PER2: variants seen among roughly 807,000 people sequenced by gnomAD.
The protein encoded by PER2 is period circadian regulator 2, also known as period circadian protein homolog 2.
PER2 carries 66 observed loss-of-function variants against 121.0 expected under a neutral mutation model. The observed-to-expected ratio is 0.55, with a 90% CI of 0.45 to 0.67. The LOEUF (loss-of-function observed/expected upper bound fraction) is 0.67. PER2 is among the 30% of genes least tolerant of loss of function. PER2 has a pLI of 0.00. For synonymous variants in PER2, 684 were observed against 659.9 expected (o/e 1.04, Z -0.56); for missense variants, 1,521 against 1,635.0 (o/e 0.93, Z 1.20).
At chr2:238,295,957 G>T in the PER2 span, 1 of 252,612 alleles carries the variant, frequency 4.0e-6, no homozygotes, top group South Asian at 3.5e-5. Flanking sequence ...GGTGACACGT[G>T]CTGCTGAATG....
chr2:238,294,348 G>A (rs898574164), upstream of PER2, among the ~76,000 whole-genome samples: 1 of 152,226 alleles, frequency 6.6e-6, no homozygotes, highest in Non-Finnish European at 1.5e-5. Context: ...ACATCTTGGA[G>A]TCAGGAACGG....
chr2:238,271,697 C>A (rs1458102158), intron 5 of PER2, among the ~76,000 whole-genome samples, 184 bp from the exon 6 acceptor site: 1 of 152,130 alleles, frequency 6.6e-6, no homozygotes, highest in East Asian at 1.9e-4. Flanking sequence ...AGGAGCATCG[C>A]CATCTTGGAC....
intron 1 of PER2, among the ~76,000 whole-genome samples, chr2:238,285,504 C>T (rs978730284): frequency 3.9e-5 from 6 of 152,212 alleles, no homozygotes; most frequent in African/African-American, 1.4e-4. Context: ...TTCCAGCCTC[C>T]ACTGCCACTG....
chr2:238,255,478 ACCCCC>A, intron 18 of PER2, 174 bp downstream of exon 18: 1 of 698,566 alleles, frequency 1.4e-6, no homozygotes, highest in South Asian at 1.6e-5. Context: ...TCCCGAGAGC[ACCCCC>A]CCGGTGGGAA....
intron 9 of PER2, among the ~76,000 whole-genome samples, chr2:238,263,637 G>A (rs1267343658): frequency 6.6e-6 from 1 of 152,100 alleles, no homozygotes; most frequent in Admixed American, 6.6e-5. Context: ...AGCACCTTCT[G>A]CTTCTGTTTG....
chr2:238,248,885 G>A (rs1695519414), intron 22 of PER2, 177 bp downstream of exon 22: 2 of 714,306 alleles, frequency 2.8e-6, no homozygotes, highest in African/African-American at 1.7e-5. Flanking sequence ...TCGATCTCCT[G>A]ACCTCGTGAT....
intron 4 of PER2, among the ~76,000 whole-genome samples, chr2:238,273,844 T>G (rs1445653000): frequency 2.0e-5 from 3 of 152,168 alleles, no homozygotes; most frequent in Non-Finnish European, 2.9e-5. Context: ...ATTTTTGTAT[T>G]TTTAGTAGAG....
At chr2:238,291,693 G>C (rs543110723), upstream of PER2, among the ~76,000 whole-genome samples, 12 of 152,326 alleles carry the variant, frequency 7.9e-5, no homozygotes, top group South Asian at 2.5e-3. Context: ...AGCCTCCCTT[G>C]AACCCAGCGC....
In PER2 at chr2:238,279,038, G is replaced by A. The variant is rs190386281; in HGVS notation, c.-19-1083C>T. Among the ~76,000 whole-genome samples the A allele has an allele frequency of 2.7e-3, 414 of 152,260 alleles. 2 individuals are homozygous for A. Among genetic ancestry groups the A allele is most frequent in the African/African-American group, 9.1e-3 (378 of 41,538 alleles). ...GCGATCATCCTGGACACAAACTGAGGGGGGGTGAACAGAGACAGGGAGTAG... is the reference window on the plus strand; with the variant it reads ...GCGATCATCCTGGACACAAACTGAGAGGGGGTGAACAGAGACAGGGAGTAG... On this transcript the variant is annotated intron_variant, in intron 1 of 22. Transcript: ENST00000254657.
chr2:238,266,093 TG>T (rs1696092665), intron 8 of PER2, among the ~76,000 whole-genome samples: 2 of 151,522 alleles, frequency 1.3e-5, no homozygotes, highest in African/African-American at 2.4e-5. Context: ...TTAGTTGAGG[TG>T]GGGTTTCACC....
At chr2:238,255,620 T>A in intron 18 of PER2, 37 bp downstream of exon 18, 1 of 1,611,500 alleles carries the variant, frequency 6.2e-7, no homozygotes, top group Non-Finnish European at 8.5e-7. Context: ...AGGAATAAAG[T>A]TTTTTAAAAC....
At position 238,253,335 on chromosome 2, in the gene PER2, G is replaced by A. The variant is rs780587495; in HGVS notation, c.2688C>T (p.Phe896=). The A allele has an allele frequency of 6.2e-7, 1 of 1,613,824 alleles. No individual in the cohort carries two copies. The highest frequency in any genetic ancestry group is 2.2e-5 in the East Asian group (1 of 44,876). ...QHQFAVQPPP[F]PAPLAPVMAF... is the part of the protein sequence containing the mutation. Reference sequence around the variant, plus strand: ...CCATGACAGGCGCCAAAGGGGCAGGGAAAGGTGGGGGCTGGACTGCAAACT... The same window carrying A: ...CCATGACAGGCGCCAAAGGGGCAGGAAAAGGTGGGGGCTGGACTGCAAACT... The change falls in exon 19 of 23, where the codon TTC becomes TTT. Residue 896 remains phenylalanine, a synonymous_variant. Coordinates refer to ENST00000254657, the MANE Select transcript of PER2 (RefSeq NM_022817.3). The surrounding 1 kb of genome is among the most constrained non-coding windows in gnomAD (Gnocchi z 5.6).
chr2:238,251,676 C>CA lies in PER2; in HGVS notation c.3196dup (p.Cys1066LeufsTer29). 6.2e-7 allele frequency: 1 copy of CA among 1,614,030 alleles called. No homozygotes were observed. The highest frequency in any genetic ancestry group is 8.5e-7 in the Non-Finnish European group (1 of 1,179,864). On this transcript the variant is annotated frameshift_variant, in exon 20 of 23. Transcript: ENST00000254657. LOFTEE classifies it high-confidence loss of function. ...CGAAGCAGCAGAGCCCGAGGCTGAGCAGAGGTCCTCATTCAGCAGGAGGTT... is the reference window on the plus strand; with the variant it reads ...CGAAGCAGCAGAGCCCGAGGCTGAGCAAGAGGTCCTCATTCAGCAGGAGGTT...
upstream of PER2, among the ~76,000 whole-genome samples, chr2:238,293,679 G>A (rs1249189848): frequency 6.7e-6 from 1 of 149,596 alleles, no homozygotes; most frequent in Admixed American, 6.7e-5. Context: ...AGGCTGCAGT[G>A]AGCCAAGATC....
intron 22 of PER2, 76 bp from the exon 23 acceptor site, chr2:238,246,600 G>A (rs1695458612): frequency 5.7e-6 from 6 of 1,058,592 alleles, no homozygotes; most frequent in Non-Finnish European, 8.6e-6. Flanking sequence ...AAATTGGCCG[G>A]GCGCGGTGGC....
chr2:238,287,677 C>G (rs1246039166), intron 1 of PER2, among the ~76,000 whole-genome samples: 1 of 152,240 alleles, frequency 6.6e-6, no homozygotes, highest in South Asian at 2.1e-4. Flanking sequence ...GTTTGCTCAT[C>G]TGTCAGGCTG....
chr2:238,285,900 C>T (rs1002260699), intron 1 of PER2, among the ~76,000 whole-genome samples: 1 of 145,320 alleles, frequency 6.9e-6, no homozygotes, highest in African/African-American at 2.5e-5. Flanking sequence ...TGGTAGGAGC[C>T]AACTCCCTGA....
At position 238,269,029 on chromosome 2, in the gene PER2, C is replaced by T. The variant is rs769323685; in HGVS notation, c.773-55G>A. Reference sequence around the variant, plus strand: ...CAAACCAACAACTAAATACAGTGTTCCTCATTTCTCACAAACAAAAGAGGA... The same window carrying T: ...CAAACCAACAACTAAATACAGTGTTTCTCATTTCTCACAAACAAAAGAGGA... On this transcript the variant is annotated intron_variant, in intron 6 of 22. Coordinates refer to ENST00000254657, the MANE Select transcript of PER2 (RefSeq NM_022817.3). The T allele has an allele frequency of 2.3e-5, 30 of 1,315,860 alleles. 1 individual carries two copies. The highest frequency in any genetic ancestry group is 3.3e-5 in the Non-Finnish European group (30 of 908,746). 81.5% of individuals were successfully genotyped at this position (1,315,860 alleles called of 1,614,324 possible).
Position 238,266,874 on chromosome 2 carries a change from C to A in PER2, c.967+1182G>T, listed in dbSNP as rs144597710. Among the ~76,000 whole-genome samples the A allele has an allele frequency of 7.7e-3, 1,164 of 150,756 alleles. 15 individuals carry two copies. The highest frequency in any genetic ancestry group is 0.027 in the African/African-American group (1,117 of 40,952). ...GCAACACAGTGAAACCCCGTCTCTACTAAAATACAAAAAAAAAGAAAAAAA... is the reference window on the plus strand; with the variant it reads ...GCAACACAGTGAAACCCCGTCTCTAATAAAATACAAAAAAAAAGAAAAAAA... On this transcript the variant is annotated intron_variant, in intron 8 of 22. Coordinates refer to ENST00000254657, the MANE Select transcript of PER2 (RefSeq NM_022817.3).
Sources: allele counts gnomAD v4.1 joint callset (sites outside exome capture counted in the v4.1 genomes callset), GRCh38; gene constraint gnomAD v4.1.1; non-coding constraint Gnocchi (gnomAD v3.1); transcripts MANE v1.5; gene names NCBI Gene and HGNC (gene_info 2026-07-23, HGNC 2026-07-21).